ITPRID1: variants seen among roughly 807,000 people sequenced by gnomAD.
ITPRID1 encodes protein ITPRID1.
ITPRID1 carries 96 observed loss-of-function variants against 95.4 expected under a neutral mutation model. The observed-to-expected ratio is 1.01, with a 90% CI of 0.85 to 1.19. The LOEUF is 1.19. ITPRID1 is among the 50% of genes most tolerant of loss of function. ITPRID1 has a pLI of 0.00. For missense variants in ITPRID1, 1,339 were observed against 1,252.9 expected, an observed-to-expected ratio of 1.07 and a Z score of -1.04; for synonymous variants, 510 against 453.6, an observed-to-expected ratio of 1.12 and a Z score of -1.58.
chr7:31,625,385 A>T (rs1788355519), intron 10 of ITPRID1, among the ~76,000 whole-genome samples: 1 of 152,072 alleles, frequency 6.6e-6, no homozygotes, highest in Non-Finnish European at 1.5e-5. Context: ...ATGTCCAACA[A>T]TGATAGACTG....
intron 1 of ITPRID1, among the ~76,000 whole-genome samples, chr7:31,541,366 A>T (rs566305584): frequency 6.6e-6 from 1 of 152,288 alleles, no homozygotes; most frequent in African/African-American, 2.4e-5. Flanking sequence ...GTTATCAGAA[A>T]CCTGCATTCA....
intron 10 of ITPRID1, among the ~76,000 whole-genome samples, chr7:31,596,083 G>C (rs990468302): frequency 6.6e-6 from 1 of 151,296 alleles, no homozygotes; most frequent in South Asian, 2.1e-4. Context: ...TCTAAAATTT[G>C]TGTTATCAAA....
chr7:31,537,660 TA>T (rs1783803605), intron 1 of ITPRID1, among the ~76,000 whole-genome samples: 1 of 152,216 alleles, frequency 6.6e-6, no homozygotes, highest in African/African-American at 2.4e-5. Context: ...TCACTGTTCT[TA>T]TTCCATTGAT....
intron 10 of ITPRID1, among the ~76,000 whole-genome samples, chr7:31,619,544 CCT>C (rs1249371223): frequency 1.7e-4 from 3 of 18,152 alleles, no homozygotes; most frequent in Non-Finnish European, 9.4e-4. Flanking sequence ...CCAAAATTTA[CCT>C]CATTCATCTA....
intron 10 of ITPRID1, among the ~76,000 whole-genome samples, chr7:31,638,162 T>C (rs766494685): frequency 9.2e-5 from 14 of 152,206 alleles, no homozygotes; most frequent in Non-Finnish European, 2.1e-4. Context: ...ATCATGAATT[T>C]TGTACCCACA....
chr7:31,546,873 T>A (rs556181317), intron 1 of ITPRID1, among the ~76,000 whole-genome samples: 30 of 152,116 alleles, frequency 2.0e-4, no homozygotes, highest in South Asian at 2.1e-4. Flanking sequence ...TAGGGAGGCA[T>A]GTAGACAGAA....
chr7:31,525,825 C>T (rs1281681573), intron 1 of ITPRID1, among the ~76,000 whole-genome samples: 1 of 152,144 alleles, frequency 6.6e-6, no homozygotes, highest in African/African-American at 2.4e-5. Context: ...ATATTATCTA[C>T]TAAAGATTAC....
At chr7:31,552,925 T>C (rs950506181) in intron 2 of ITPRID1, 77 bp from the exon 3 acceptor site, 22 of 1,429,510 alleles carry the variant, frequency 1.5e-5, no homozygotes, top group Middle Eastern at 1.8e-4. Context: ...ATTCTGGCCT[T>C]CTTTCTCCCT....
chr7:31,565,548 C>T (rs1784769548), intron 5 of ITPRID1, among the ~76,000 whole-genome samples: 1 of 152,052 alleles, frequency 6.6e-6, no homozygotes, highest in Non-Finnish European at 1.5e-5. Context: ...CCAGCCTGGC[C>T]AACATGGTGA....
chr7:31,620,443 G>C (rs547781911), intron 10 of ITPRID1, among the ~76,000 whole-genome samples: 7 of 151,652 alleles, frequency 4.6e-5, no homozygotes, highest in African/African-American at 1.7e-4. Flanking sequence ...AGCAGCATTC[G>C]AGATTCACGA....
chr7:31,625,681 G>A (rs1410185218), intron 10 of ITPRID1, among the ~76,000 whole-genome samples: 1 of 152,066 alleles, frequency 6.6e-6, no homozygotes, highest in Non-Finnish European at 1.5e-5. Flanking sequence ...TAGATGACGA[G>A]TTAGTGGGTG....
chr7:31,637,792 T>C (rs568555063), intron 10 of ITPRID1, among the ~76,000 whole-genome samples: 7 of 152,368 alleles, frequency 4.6e-5, no homozygotes, highest in African/African-American at 9.6e-5. Flanking sequence ...TTTAGTGTTT[T>C]AGACATGAAG....
At chr7:31,631,056 G>T (rs2128193561) in intron 10 of ITPRID1, among the ~76,000 whole-genome samples, 1 of 152,226 alleles carries the variant, frequency 6.6e-6, no homozygotes, top group Non-Finnish European at 1.5e-5. Context: ...AATAACTATT[G>T]AAGAAATTAA....
intron 1 of ITPRID1, among the ~76,000 whole-genome samples, chr7:31,544,615 TTTC>T (rs1784038484): frequency 6.6e-6 from 1 of 152,172 alleles, no homozygotes; most frequent in Non-Finnish European, 1.5e-5. Flanking sequence ...TCTTTGTACC[TTTC>T]TTAAGATGCA....
At chr7:31,651,847 G>T in intron 13 of ITPRID1, 92 bp from the exon 14 acceptor site, 10 of 747,712 alleles carry the variant, frequency 1.3e-5, no homozygotes, top group Non-Finnish European at 1.7e-5. Context: ...TTAAGAAATT[G>T]CAAAGGAAGA....
At chr7:31,551,976 G>T in intron 2 of ITPRID1, 1 of 402,966 alleles carries the variant, frequency 2.5e-6, no homozygotes. Flanking sequence ...TTTGGTATTT[G>T]TTGATTCACC....
intron 10 of ITPRID1, among the ~76,000 whole-genome samples, chr7:31,598,463 G>A (rs1786191763): frequency 6.8e-6 from 1 of 146,420 alleles, no homozygotes; most frequent in Non-Finnish European, 1.5e-5. Flanking sequence ...GAGTGCAGTG[G>A]CGCTATCTCG....
At chr7:31,586,578 C>G (rs1377143450) in intron 10 of ITPRID1, among the ~76,000 whole-genome samples, 2 of 151,554 alleles carry the variant, frequency 1.3e-5, no homozygotes, top group Non-Finnish European at 1.5e-5. Context: ...ATTTGCATTT[C>G]TCTGATGGCC....
At chr7:31,611,463 G>A (rs1403201985) in intron 10 of ITPRID1, among the ~76,000 whole-genome samples, 1 of 151,728 alleles carries the variant, frequency 6.6e-6, no homozygotes, top group African/African-American at 2.4e-5. Context: ...TTGTTGTCTA[G>A]TGTTTTTTCA....
Sources: gnomAD v4.1 joint callset for allele counts (sites outside exome capture counted in the v4.1 genomes callset) on GRCh38, gnomAD v4.1.1 for gene constraint, MANE v1.5 for transcripts, NCBI Gene and HGNC (gene_info 2026-07-23, HGNC 2026-07-21) for gene names.